Variants in RNF130 observed in about 807,000 individuals in gnomAD.
The protein encoded by RNF130 is E3 ubiquitin-protein ligase RNF130.
In RNF130, 21 loss-of-function variants were observed where a neutral mutation model predicts 44.6. The ratio of observed to expected loss-of-function variants is 0.47; its 90% confidence interval spans 0.33 to 0.68. The LOEUF (loss-of-function observed/expected upper bound fraction) is 0.68. Among genes scored for constraint, RNF130 ranks in the 30% least tolerant of loss-of-function variants. The pLI is 0.02. For synonymous variants in RNF130, 214 were observed against 210.4 expected (o/e 1.02, Z -0.15); for missense variants, 479 against 560.6 (o/e 0.85, Z 1.47).
intron 1 of RNF130, among the ~76,000 whole-genome samples, chr5:180,056,536 G>GT (rs1764828976): frequency 1.3e-5 from 2 of 152,168 alleles, no homozygotes; most frequent in Non-Finnish European, 2.9e-5. Context: ...AAAACACACT[G>GT]GGCAGAGGTG....
intron 1 of RNF130, among the ~76,000 whole-genome samples, chr5:180,056,208 G>A (rs1235963512): frequency 6.6e-6 from 1 of 151,754 alleles, no homozygotes; most frequent in Non-Finnish European, 1.5e-5. Context: ...TATTCCCGCT[G>A]TTACTCTTAG....
intron 7 of RNF130, among the ~76,000 whole-genome samples, chr5:179,947,520 G>A (rs1433593207): frequency 3.3e-5 from 5 of 152,208 alleles, no homozygotes; most frequent in Admixed American, 2.0e-4. Flanking sequence ...CACAGACCCT[G>A]GGGGCCAGCT....
Position 179,955,594 on chromosome 5 carries a change from C to CA in RNF130, c.*59dup. 1 of 1,471,472 alleles carries CA rather than the reference C, an allele frequency of 6.8e-7. No homozygotes were observed. The highest frequency in any genetic ancestry group is 9.2e-7 in the Non-Finnish European group (1 of 1,081,972). 91.2% of individuals were successfully genotyped at this position (1,471,472 alleles called of 1,614,324 possible). A position where few individuals can be genotyped will look rare whatever the true frequency, so the allele number is the denominator to read the frequency against. The stretch of plus-strand genomic sequence containing the variant: ...TGTGGCATGATTGGTAAATGATGCA[C>CA]AAAAATAGGTTCTTTTTTCCTTCAA... On this transcript the variant is annotated 3_prime_UTR_variant, in exon 9 of 9. Coordinates refer to ENST00000521389, the MANE Select transcript of RNF130 (RefSeq NM_018434.6).
chr5:180,005,326 G>A (rs922983182), intron 3 of RNF130, among the ~76,000 whole-genome samples: 8 of 152,172 alleles, frequency 5.3e-5, no homozygotes, highest in Non-Finnish European at 1.2e-4. Context: ...TACTCAGGAG[G>A]CTGAGGCAGG....
chr5:179,998,805 T>C (rs1269001125), intron 3 of RNF130, among the ~76,000 whole-genome samples: 2 of 147,090 alleles, frequency 1.4e-5, no homozygotes, highest in East Asian at 2.0e-4. Flanking sequence ...GGGTGTTGAA[T>C]TCCCCAACTA....
intron 1 of RNF130, among the ~76,000 whole-genome samples, chr5:180,055,440 T>TGTGTGTG (rs57927481): frequency 1.1e-4 from 16 of 150,664 alleles, no homozygotes; most frequent in Admixed American, 8.6e-4. Flanking sequence ...TCAGATGACT[T>TGTGTGTG]TGTGTGTGTG....
downstream of RNF130, among the ~76,000 whole-genome samples, chr5:179,953,094 A>G (rs1762151517): frequency 1.4e-5 from 2 of 146,214 alleles, no homozygotes; most frequent in Non-Finnish European, 3.0e-5. Context: ...TAGACAGAAA[A>G]GCCCAAGGAA....
intron 2 of RNF130, among the ~76,000 whole-genome samples, chr5:180,032,046 T>C (rs969157367): frequency 6.6e-6 from 1 of 152,258 alleles, no homozygotes; most frequent in Non-Finnish European, 1.5e-5. Context: ...TTGCCCGTTG[T>C]AAAACTAGGT....
intron 1 of RNF130, among the ~76,000 whole-genome samples, chr5:180,041,611 A>G (rs1764419908): frequency 1.3e-5 from 2 of 152,190 alleles, no homozygotes; most frequent in South Asian, 2.1e-4. Context: ...GCAGCCCAGA[A>G]GGGGAGAGAA....
At chr5:179,998,090 T>C (rs924832023) in intron 3 of RNF130, among the ~76,000 whole-genome samples, 3 of 152,204 alleles carry the variant, frequency 2.0e-5, no homozygotes, top group Admixed American at 1.3e-4. Flanking sequence ...TCCGCCACCT[T>C]GGCCTCCCAA....
intron 3 of RNF130, among the ~76,000 whole-genome samples, chr5:179,982,047 C>T (rs1338502732): frequency 6.6e-6 from 1 of 152,058 alleles, no homozygotes; most frequent in African/African-American, 2.4e-5. Context: ...CTTTGTGCCC[C>T]TTCCTAATTC....
chr5:179,999,133 T>C (rs1315099230), intron 3 of RNF130, among the ~76,000 whole-genome samples: 1 of 142,652 alleles, frequency 7.0e-6, no homozygotes, highest in Non-Finnish European at 1.6e-5. Flanking sequence ...AGCGATTCTC[T>C]GCCTCAGACT....
chr5:179,993,850 T>C (rs560448983), intron 3 of RNF130, among the ~76,000 whole-genome samples: 1 of 152,252 alleles, frequency 6.6e-6, no homozygotes, highest in Admixed American at 6.5e-5. Context: ...AGGGTTTTTA[T>C]GGTTTTAAGT....
intron 8 of RNF130, chr5:179,955,990 A>T (rs1762204072): frequency 4.0e-6 from 1 of 248,804 alleles, no homozygotes; most frequent in African/African-American, 2.2e-5. Context: ...ACATGTTCTG[A>T]ATGCTGAGGG....
At chr5:179,934,139 T>C in intron 7 of RNF130, 1 of 221,154 alleles carries the variant, frequency 4.5e-6, no homozygotes. Context: ...TGTTTGCCTC[T>C]CCTTTAGACA....
chr5:180,052,880 G>C (rs1764719563), intron 1 of RNF130, among the ~76,000 whole-genome samples: 1 of 152,084 alleles, frequency 6.6e-6, no homozygotes, highest in African/African-American at 2.4e-5. Context: ...ATAAATACAA[G>C]TAATAAGAAA....
At position 179,945,106 on chromosome 5, in the gene RNF130, T is replaced by C. The variant is rs191509202; in HGVS notation, c.1150+21700A>G. Among the ~76,000 whole-genome samples the C allele has an allele frequency of 5.3e-5, 8 of 152,210 alleles. No homozygotes were observed. The East Asian group carries it at 1.5e-3, about 29-fold the overall frequency. ...AGTTTGGCCAACATGGTTAAAAAAA[T>C]AAAGTGATAACTGACTAGTATTTTC... On this transcript the variant is annotated intron_variant, in intron 7 of 7. Coordinates refer to the RNF130 transcript ENST00000522208.
chr5:180,063,376 G>A (rs1467718230), intron 1 of RNF130, among the ~76,000 whole-genome samples: 11 of 152,182 alleles, frequency 7.2e-5, no homozygotes, highest in Admixed American at 7.2e-4. Flanking sequence ...AAGAAGCAAG[G>A]ATGGTCCTAA....
At chr5:180,003,906 C>A (rs1286291989) in intron 3 of RNF130, among the ~76,000 whole-genome samples, 1 of 152,170 alleles carries the variant, frequency 6.6e-6, no homozygotes, top group Non-Finnish European at 1.5e-5. Context: ...ATAATAAAAT[C>A]TATACTAACT....
Sources: allele counts gnomAD v4.1 joint callset (sites outside exome capture counted in the v4.1 genomes callset), GRCh38; gene constraint gnomAD v4.1.1; transcripts MANE v1.5; gene names NCBI Gene and HGNC (gene_info 2026-07-23, HGNC 2026-07-21).